Variants in PTPRD observed in about 807,000 individuals in gnomAD.
PTPRD encodes the protein protein tyrosine phosphatase receptor type D, also known as receptor-type tyrosine-protein phosphatase delta.
PTPRD carries 34 observed loss-of-function variants against 214.5 expected under a neutral mutation model. The observed-to-expected ratio is 0.16, with a 90% CI of 0.12 to 0.21. The LOEUF is 0.21. PTPRD is among the 10% of genes least tolerant of loss of function. PTPRD has a pLI of 1.00. For synonymous variants in PTPRD, 1,128 were observed against 845.7 expected, an observed-to-expected ratio of 1.33 and a Z score of -5.79; for missense variants, 2,545 against 2,398.7, an observed-to-expected ratio of 1.06 and a Z score of -1.27.
intron 12 of PTPRD, among the ~76,000 whole-genome samples, chr9:8,712,554 C>G (rs1446495409): frequency 6.6e-6 from 1 of 151,962 alleles, no homozygotes; most frequent in African/African-American, 2.4e-5. Context: ...GAACAACAGT[C>G]ATTTACAAAG....
chr9:10,567,704 G>C (rs534307985), intron 2 of PTPRD, among the ~76,000 whole-genome samples: 1 of 151,410 alleles, frequency 6.6e-6, no homozygotes, highest in Non-Finnish European at 1.5e-5. Flanking sequence ...AAAAACCTTT[G>C]GTTTTTCTAC....
At chr9:8,694,642 G>A (rs2097870942) in intron 12 of PTPRD, among the ~76,000 whole-genome samples, 4 of 152,136 alleles carry the variant, frequency 2.6e-5, no homozygotes, top group Admixed American at 2.6e-4. Context: ...ACTTGCTTGT[G>A]CTTAGACATT....
chr9:10,266,303 C>G (rs1204323559), intron 3 of PTPRD, among the ~76,000 whole-genome samples: 2 of 151,942 alleles, frequency 1.3e-5, no homozygotes, highest in Non-Finnish European at 2.9e-5. Flanking sequence ...TTGCAAGTAT[C>G]TTAGTATGTG....
intron 11 of PTPRD, among the ~76,000 whole-genome samples, chr9:8,900,802 G>A (rs1454372191): frequency 6.6e-6 from 1 of 152,182 alleles, no homozygotes; most frequent in Non-Finnish European, 1.5e-5. Flanking sequence ...TAGGATTGCA[G>A]TTGTAAAACA....
chr9:8,472,479 G>C (rs1010449572), intron 30 of PTPRD, among the ~76,000 whole-genome samples: 1 of 152,138 alleles, frequency 6.6e-6, no homozygotes, highest in East Asian at 1.9e-4. Flanking sequence ...CTGTGATTAA[G>C]AACTCTGTTT....
At chr9:9,596,830 C>A (rs139920530) in intron 7 of PTPRD, among the ~76,000 whole-genome samples, 1 of 151,984 alleles carries the variant, frequency 6.6e-6, no homozygotes, top group Non-Finnish European at 1.5e-5. Context: ...CTGCCCTCAA[C>A]TTAAAATAAC....
intron 12 of PTPRD, among the ~76,000 whole-genome samples, chr9:8,727,323 T>C (rs1253465434): frequency 1.3e-5 from 2 of 152,244 alleles, no homozygotes; most frequent in East Asian, 3.8e-4. Flanking sequence ...ACAGCTCTGC[T>C]GGGAGCAATT....
At chr9:10,133,119 C>A (rs2098912766) in intron 3 of PTPRD, among the ~76,000 whole-genome samples, 1 of 152,140 alleles carries the variant, frequency 6.6e-6, no homozygotes, top group Non-Finnish European at 1.5e-5. Context: ...AGGACATTCA[C>A]TGAGGCTGTT....
At chr9:9,221,088 C>A (rs924844699) in intron 9 of PTPRD, among the ~76,000 whole-genome samples, 3 of 152,076 alleles carry the variant, frequency 2.0e-5, no homozygotes, top group African/African-American at 7.2e-5. Context: ...TGAAATCAAC[C>A]AGGTACAACT....
At chr9:9,572,361 G>A (rs1403041875) in intron 8 of PTPRD, among the ~76,000 whole-genome samples, 5 of 151,228 alleles carry the variant, frequency 3.3e-5, no homozygotes, top group South Asian at 4.2e-4. Context: ...AATGTTAGTC[G>A]AAGAATATAT....
At chr9:9,731,980 G>A (rs1564835690) in intron 7 of PTPRD, among the ~76,000 whole-genome samples, 1 of 152,152 alleles carries the variant, frequency 6.6e-6, no homozygotes. Context: ...ATATGACAGT[G>A]TAAGGTAAAG....
intron 10 of PTPRD, among the ~76,000 whole-genome samples, chr9:9,093,654 C>T (rs1352555983): frequency 6.8e-6 from 1 of 147,126 alleles, no homozygotes; most frequent in African/African-American, 2.5e-5. Context: ...AAAACACAAC[C>T]TGTTAAAATT....
intron 11 of PTPRD, among the ~76,000 whole-genome samples, chr9:8,934,981 G>A (rs537389043): frequency 1.3e-5 from 2 of 151,962 alleles, no homozygotes; most frequent in Non-Finnish European, 2.9e-5. Flanking sequence ...TCCACTGTGT[G>A]TATACATATG....
Position 9,758,712 on chromosome 9 carries a change from A to T in PTPRD, c.-326+8098T>A, listed in dbSNP as rs542884345. Reference sequence around the variant, plus strand: ...ACATGAGAAAGCAAGGACGCTCCAGAACCTCTTACCATTCCCTCATCGCCA... The same window carrying T: ...ACATGAGAAAGCAAGGACGCTCCAGTACCTCTTACCATTCCCTCATCGCCA... On this transcript the variant is annotated intron_variant, in intron 6 of 45. Coordinates refer to ENST00000381196, the MANE Select transcript of PTPRD (RefSeq NM_002839.4). Among the ~76,000 whole-genome samples, 8 of 151,996 alleles carry T rather than the reference A, an allele frequency of 5.3e-5. No homozygotes were observed. In the South Asian group the frequency reaches 1.5e-3, roughly 28 times the overall value.
intron 9 of PTPRD, among the ~76,000 whole-genome samples, chr9:9,259,374 G>A (rs1182791902): frequency 1.3e-5 from 2 of 151,856 alleles, no homozygotes; most frequent in African/African-American, 4.8e-5. Flanking sequence ...AGGTAATTTA[G>A]TAATGTGCTT....
intron 11 of PTPRD, among the ~76,000 whole-genome samples, chr9:8,734,679 G>C (rs550052981): frequency 1.3e-5 from 2 of 152,332 alleles, no homozygotes; most frequent in East Asian, 1.9e-4. Context: ...AAGGCATCAA[G>C]AGTGACAGCA....
chr9:9,210,507 T>C (rs1257418895), intron 9 of PTPRD, among the ~76,000 whole-genome samples: 1 of 152,226 alleles, frequency 6.6e-6, no homozygotes, highest in Admixed American at 6.5e-5. Flanking sequence ...AAACATAACT[T>C]TTGAACTTTA....
chr9:8,854,069 A>G (rs7466280), intron 11 of PTPRD, among the ~76,000 whole-genome samples: 27,087 of 152,150 alleles, frequency 0.18, 2,965 homozygotes, highest in Non-Finnish European at 0.24. Context: ...CTGGGCATGT[A>G]ATACAAATCC....
chr9:10,041,646 C>T (rs1235016876), intron 3 of PTPRD, among the ~76,000 whole-genome samples: 1 of 151,754 alleles, frequency 6.6e-6, no homozygotes. Flanking sequence ...TAAAAAATCT[C>T]ATCAGTCTAG....
Sources: allele counts gnomAD v4.1 joint callset (sites outside exome capture counted in the v4.1 genomes callset), GRCh38; gene constraint gnomAD v4.1.1; transcripts MANE v1.5; gene names NCBI Gene and HGNC (gene_info 2026-07-23, HGNC 2026-07-21).